Variants in RHD observed in about 807,000 individuals in gnomAD.
RHD encodes the protein blood group Rh(D) polypeptide.
In RHD, 16 loss-of-function variants were observed where a neutral mutation model predicts 45.5. The observed-to-expected ratio is 0.35, with a 90% confidence interval of 0.24 to 0.53. The LOEUF is 0.53. Among genes scored for constraint, RHD ranks in the 20% least tolerant of loss-of-function variants. The pLI, the probability that RHD is intolerant of heterozygous loss-of-function variation, is 0.92. For missense variants in RHD, 306 were observed against 532.0 expected, an observed-to-expected ratio of 0.58 and a Z score of 4.18; for synonymous variants, 131 against 217.5, an observed-to-expected ratio of 0.60 and a Z score of 3.50.
At chr1:25,275,837 G>T (rs139603478) in intron 1 of RHD, among the ~76,000 whole-genome samples, 3,689 of 132,092 alleles carry the variant, frequency 0.028, 608 homozygotes, top group African/African-American at 0.089. Context: ...AGATCAACAT[G>T]TTTTAAATCT....
At position 25,299,239 on chromosome 1, in the gene RHD, G is replaced by A. The variant is rs1202365543; in HGVS notation, c.487-1707G>A. ...TCTACTAAAAATACAAAAATTAGCCGGGCACGGTGGTGGGTGCCTGTAATC... is the reference window on the plus strand; with the variant it reads ...TCTACTAAAAATACAAAAATTAGCCAGGCACGGTGGTGGGTGCCTGTAATC... On this transcript the variant is annotated intron_variant, in intron 3 of 9. Transcript: ENST00000328664. 5.4e-5 allele frequency among the ~76,000 whole-genome samples: 7 copies of A among 128,962 alleles called. 2 individuals are homozygous for A. The highest frequency in any genetic ancestry group is 4.7e-4 in the South Asian group (2 of 4,236). 84.6% of individuals were successfully genotyped at this position (128,962 alleles called of 152,430 possible). A position where few individuals can be genotyped will look rare whatever the true frequency, so the allele number is the denominator to read the frequency against.
At chr1:25,285,326 G>T (rs1392131373) in intron 2 of RHD, among the ~76,000 whole-genome samples, 1 of 133,774 alleles carries the variant, frequency 7.5e-6, no homozygotes, top group East Asian at 1.9e-4. Flanking sequence ...TAGAGATAGG[G>T]TTTCTCCGTG....
chr1:25,291,205 A>G lies in RHD; in HGVS notation c.486+414A>G, dbSNP rs1642476130. 2.3e-5 allele frequency among the ~76,000 whole-genome samples: 3 copies of G among 129,218 alleles called. 1 individual carries two copies. The South Asian group carries it at 7.1e-4, about 31-fold the overall frequency. 84.8% of individuals were successfully genotyped at this position (129,218 alleles called of 152,430 possible). On this transcript the variant is annotated intron_variant, in intron 3 of 9. Transcript: ENST00000328664. ...ACAGACAGGCTGGGTACAGTGGCTC[A>G]CACCTGTAATCCCAGCACTTTGGGA...
intron 7 of RHD, among the ~76,000 whole-genome samples, chr1:25,313,214 C>G (rs1644261721): frequency 7.7e-6 from 1 of 130,662 alleles, no homozygotes; most frequent in Admixed American, 7.5e-5. Flanking sequence ...CTCTTGCCCT[C>G]TTGCCATGTG....
At position 25,282,900 on chromosome 1, in the gene RHD, A is replaced by G. The variant is rs572575427; in HGVS notation, c.149-1673A>G. Among the ~76,000 whole-genome samples the G allele has an allele frequency of 9.6e-4, 127 of 131,624 alleles. 21 individuals carry two copies. Among genetic ancestry groups the G allele is most frequent in the African/African-American group, 3.3e-3 (127 of 38,702 alleles). 86.4% of individuals were successfully genotyped at this position (131,624 alleles called of 152,430 possible). A position where few individuals can be genotyped will look rare whatever the true frequency, so the allele number is the denominator to read the frequency against. Reference sequence around the variant, plus strand: ...ACAGAGAGACTCTGTCTCGAAAAAAAAAAATTGTCTACATGCTGGTTGCAG... The same window carrying G: ...ACAGAGAGACTCTGTCTCGAAAAAAGAAAATTGTCTACATGCTGGTTGCAG... On this transcript the variant is annotated intron_variant, in intron 1 of 9. Coordinates refer to ENST00000328664, the MANE Select transcript of RHD (RefSeq NM_016124.6).
chr1:25,306,546 G>A, intron 6 of RHD, 50 bp from the exon 7 acceptor site: 1 of 1,364,140 alleles, frequency 7.3e-7, no homozygotes, highest in Non-Finnish European at 1.0e-6. Context: ...GGGTGGGTAG[G>A]GAATATGGGT....
Position 25,314,758 on chromosome 1 carries a change from C to A in RHD, c.1074-2242C>A, listed in dbSNP as rs1383846556. Among the ~76,000 whole-genome samples the A allele has an allele frequency of 1.5e-5, 2 of 132,216 alleles. 1 individual carries two copies. Among genetic ancestry groups the A allele is most frequent in the Non-Finnish European group, 3.6e-5 (2 of 55,758 alleles). The allele number at this position is 132,216 out of a possible 152,430, so 86.7% of individuals were successfully genotyped here. ...TGGCCTCAACTTTGGCCCACCTTGG[C>A]CTCCCAAAGTGCCAGGATTACAGGT... On this transcript the variant is annotated intron_variant, in intron 7 of 9. Transcript: ENST00000328664.
chr1:25,284,995 C>A lies in RHD; in HGVS notation c.335+236C>A, dbSNP rs191408707. 5.8e-4 allele frequency among the ~76,000 whole-genome samples: 78 copies of A among 135,258 alleles called. 10 individuals carry two copies. The highest frequency in any genetic ancestry group is 1.9e-3 in the African/African-American group (74 of 39,244). The allele number at this position is 135,258 out of a possible 152,430, so 88.7% of individuals were successfully genotyped here. A position where few individuals can be genotyped will look rare whatever the true frequency, so the allele number is the denominator to read the frequency against. On this transcript the variant is annotated intron_variant, in intron 2 of 9. Transcript: ENST00000328664. ...ATCACAAGGAATCCAGGCCTACATT[C>A]CTCCTGCATCCTTTCTTTCCTGTTA...
intron 8 of RHD, among the ~76,000 whole-genome samples, chr1:25,320,734 T>G (rs977234198): frequency 1.5e-5 from 2 of 132,250 alleles, no homozygotes; most frequent in African/African-American, 5.2e-5. Flanking sequence ...CCAAGCTATC[T>G]GGGCAGAGAG....
rs375047646 is a variant in RHD, at chr1:25,303,170, G to A, written c.802-152G>A. Reference sequence around the variant, plus strand: ...CATCATGTCCACTGATGAAGGACACGTAGCCCCAACACAGGGGAGAAGTGG... The same window carrying A: ...CATCATGTCCACTGATGAAGGACACATAGCCCCAACACAGGGGAGAAGTGG... On this transcript the variant is annotated intron_variant, in intron 5 of 9. Coordinates refer to ENST00000328664, the MANE Select transcript of RHD (RefSeq NM_016124.6). 1.6e-5 allele frequency: 14 copies of A among 883,328 alleles called. 1 individual carries two copies. Among genetic ancestry groups the A allele is most frequent in the East Asian group, 1.5e-4 (6 of 40,178 alleles). The allele number at this position is 883,328 out of a possible 1,614,324, so 54.7% of individuals were successfully genotyped here.
At chr1:25,303,582 C>A in intron 6 of RHD, 123 bp downstream of exon 6, 1 of 1,024,898 alleles carries the variant, frequency 9.8e-7, no homozygotes, top group Non-Finnish European at 1.5e-6. Flanking sequence ...CTCTTATTGG[C>A]TTCAACGCCT....
chr1:25,284,694 G>C lies in RHD; in HGVS notation c.270G>C (p.Trp90Cys), dbSNP rs1248638537. The change falls in exon 2 of 10, where the codon TGG becomes TGC. Residue 90 changes from tryptophan (W) to cysteine (C), a missense_variant. Trp to Cys is a radical substitution (Grantham distance 215). Coordinates refer to ENST00000328664, the MANE Select transcript of RHD (RefSeq NM_016124.6). ...NLFMLALGVQ[W>C]AILLDGFLSQ... The stretch of plus-strand genomic sequence containing the variant: ...TCATGCTGGCGCTTGGTGTGCAGTG[G>C]GCAATCCTGCTGGACGGCTTCCTGA... 5 of 1,388,902 alleles carry C rather than the reference G, an allele frequency of 3.6e-6. No homozygotes were observed. Among genetic ancestry groups the C allele is most frequent in the South Asian group, 1.2e-5 (1 of 85,476 alleles). The allele number at this position is 1,388,902 out of a possible 1,614,324, so 86.0% of individuals were successfully genotyped here. A position where few individuals can be genotyped will look rare whatever the true frequency, so the allele number is the denominator to read the frequency against.
rs1215140206 is a variant in RHD at position 25,277,836 on chromosome 1, G to A, written c.148+5141G>A. 4.7e-5 allele frequency among the ~76,000 whole-genome samples: 6 copies of A among 126,674 alleles called. 1 individual carries two copies. Among genetic ancestry groups the A allele is most frequent in the Non-Finnish European group, 9.3e-5 (5 of 53,752 alleles). 83.1% of individuals were successfully genotyped at this position (126,674 alleles called of 152,430 possible). ...ATTACAGGCATGCGCCACCACGCCC[G>A]GCTAATTTTGTATTTTTAGTAGAGA... On this transcript the variant is annotated intron_variant, in intron 1 of 9. Coordinates refer to ENST00000328664, the MANE Select transcript of RHD (RefSeq NM_016124.6).
chr1:25,308,800 C>T lies in RHD; in HGVS notation c.1073+2071C>T, dbSNP rs1220333042. Among the ~76,000 whole-genome samples, 9 of 129,586 alleles carry T rather than the reference C, an allele frequency of 6.9e-5. 2 individuals carry two copies. The highest frequency in any genetic ancestry group is 1.5e-4 in the Admixed American group (2 of 13,390). 85.0% of individuals were successfully genotyped at this position (129,586 alleles called of 152,430 possible). On this transcript the variant is annotated intron_variant, in intron 7 of 9. Coordinates refer to ENST00000328664, the MANE Select transcript of RHD (RefSeq NM_016124.6). ...ATAGTGACAGTGATGATCTCTCTTC[C>T]GGAAGTCTTTGGTTTGCTGAGAGTA...
chr1:25,282,097 A>G lies in RHD; in HGVS notation c.149-2476A>G, dbSNP rs763879970. ...GCGTTCTCCATGTGCCAGTCACTGT[A>G]CTAAACATTATTTCCTTTGGATTTC... On this transcript the variant is annotated intron_variant, in intron 1 of 9. Coordinates refer to ENST00000328664, the MANE Select transcript of RHD (RefSeq NM_016124.6). Among the ~76,000 whole-genome samples the G allele has an allele frequency of 3.9e-4, 51 of 132,084 alleles. 13 individuals are homozygous for G. Among genetic ancestry groups the G allele is most frequent in the Admixed American group, 1.6e-3 (22 of 13,552 alleles). The allele number at this position is 132,084 out of a possible 152,430, so 86.7% of individuals were successfully genotyped here.
At chr1:25,287,019 G>A (rs1388316614) in intron 2 of RHD, among the ~76,000 whole-genome samples, 2 of 134,738 alleles carry the variant, frequency 1.5e-5, no homozygotes, top group African/African-American at 5.1e-5. Flanking sequence ...CTTGAACCCG[G>A]GAGGCGGAGG....
rs1443154760 is a variant in RHD at position 25,320,141 on chromosome 1, G to T, written c.1154-1748G>T. ...TCGAACTCCTGACCTCAGGTGATCC[G>T]CCCACCTTGGCCTCCCAAAGTGCTG... On this transcript the variant is annotated intron_variant, in intron 8 of 9. Coordinates refer to ENST00000328664, the MANE Select transcript of RHD (RefSeq NM_016124.6). Among the ~76,000 whole-genome samples, 2 of 130,996 alleles carry T rather than the reference G, an allele frequency of 1.5e-5. 1 individual carries two copies. Among genetic ancestry groups the T allele is most frequent in the African/African-American group, 5.2e-5 (2 of 38,446 alleles). 85.9% of individuals were successfully genotyped at this position (130,996 alleles called of 152,430 possible).
At chr1:25,279,302 T>C (rs1417943012) in intron 1 of RHD, among the ~76,000 whole-genome samples, 2 of 127,738 alleles carry the variant, frequency 1.6e-5, no homozygotes, top group Admixed American at 7.6e-5. Flanking sequence ...GCGAGCTCAA[T>C]GCTCATGGCA....
At chr1:25,297,612 C>A (rs1643059735) in intron 3 of RHD, among the ~76,000 whole-genome samples, 1 of 131,594 alleles carries the variant, frequency 7.6e-6, no homozygotes, top group Non-Finnish European at 1.8e-5. Context: ...GAAAAGCTTT[C>A]GCTTCTCTGT....
Sources: allele counts gnomAD v4.1 joint callset (sites outside exome capture counted in the v4.1 genomes callset), GRCh38; gene constraint gnomAD v4.1.1; transcripts MANE v1.5; gene names NCBI Gene and HGNC (gene_info 2026-07-23, HGNC 2026-07-21).